SMIM23: variants seen among roughly 807,000 people sequenced by gnomAD.
The protein encoded by SMIM23 is small integral membrane protein 23.
Under a neutral mutation model 12.8 loss-of-function variants are expected in SMIM23, and 10 were observed. The observed-to-expected ratio is 0.78, with a 90% CI of 0.48 to 1.32. The LOEUF is 1.32. Among genes scored for constraint, SMIM23 ranks in the 40% most tolerant of loss-of-function variants. The pLI, the probability that SMIM23 is intolerant of heterozygous loss-of-function variation, is 0.00. For missense variants in SMIM23, 184 were observed against 198.2 expected (o/e 0.93, Z 0.43); for synonymous variants, 78 against 80.1 (o/e 0.97, Z 0.14).
At chr5:171,786,015 TG>T in intron 1 of SMIM23, 39 bp downstream of exon 1, 1 of 1,494,316 alleles carries the variant, frequency 6.7e-7, no homozygotes. Context: ...TCCTCCCATC[TG>T]GGCTCCTTTT....
chr5:171,773,425 G>C, the SMIM23 span, among the ~76,000 whole-genome samples: 1 of 39,436 alleles, frequency 2.5e-5, no homozygotes, highest in African/African-American at 2.4e-4. Context: ...TGAGCCCCCT[G>C]TCTAGGGCTG....
At chr5:171,787,418 G>A (rs1409060789) in intron 1 of SMIM23, among the ~76,000 whole-genome samples, 1 of 152,164 alleles carries the variant, frequency 6.6e-6, no homozygotes, top group Non-Finnish European at 1.5e-5. Flanking sequence ...ACAAGGAAAA[G>A]GACTCAAACT....
chr5:171,774,627 C>T, the SMIM23 span: 195 of 394,868 alleles, frequency 4.9e-4, no homozygotes, highest in Non-Finnish European at 7.6e-4. Context: ...CCCTCCAATT[C>T]CTTCACAGGC....
upstream of SMIM23, chr5:171,782,421 C>T (rs1469090613): frequency 5.3e-5 from 8 of 152,176 alleles, no homozygotes; most frequent in African/African-American, 1.9e-4. Flanking sequence ...AGGGTATGTG[C>T]CACTGGGTAA....
intron 1 of SMIM23, among the ~76,000 whole-genome samples, chr5:171,786,622 A>G (rs570572109): frequency 6.6e-6 from 1 of 152,308 alleles, no homozygotes; most frequent in Admixed American, 6.5e-5. Flanking sequence ...GACGGGTTTT[A>G]AGCAGAGCAA....
chr5:171,790,111 TAAACTC>T (rs1755894076), intron 1 of SMIM23, 113 bp from the exon 2 acceptor site: 1 of 993,878 alleles, frequency 1.0e-6, no homozygotes, highest in Non-Finnish European at 1.5e-6. Context: ...GAACAAAAGT[TAAACTC>T]AAAAAACTGT....
At chr5:171,773,986 T>C in the SMIM23 span, 1 of 383,008 alleles carries the variant, frequency 2.6e-6, no homozygotes, top group Non-Finnish European at 5.1e-6. Context: ...ACGCCATTTG[T>C]GCATTTCTTG....
At chr5:171,785,044 C>G (rs190225888), upstream of SMIM23, among the ~76,000 whole-genome samples, 1 of 152,166 alleles carries the variant, frequency 6.6e-6, no homozygotes, top group African/African-American at 2.4e-5. Flanking sequence ...TGGGTGGGGT[C>G]GGGAGGCAGC....
rs765363259 is a variant in SMIM23, at chr5:171,790,183, GA to G, written c.106-45del. 7 of 1,524,722 alleles carry G rather than the reference GA, an allele frequency of 4.6e-6. No homozygotes were observed. In the East Asian group the frequency reaches 1.7e-4, roughly 37 times the overall value. 94.4% of individuals were successfully genotyped at this position (1,524,722 alleles called of 1,614,324 possible). A position where few individuals can be genotyped will look rare whatever the true frequency, so the allele number is the denominator to read the frequency against. On this transcript the variant is annotated intron_variant, in intron 1 of 3. Coordinates refer to ENST00000523047, the MANE Select transcript of SMIM23 (RefSeq NM_001289970.2). ...TGATGGAAGCAGGGGGACCTGGAGA[GA>G]ATTCATCCTCATGTTCTTCCTCCTC... is the stretch of plus-strand genomic sequence containing the variant.
chr5:171,781,388 G>A (rs1413534909), upstream of SMIM23, among the ~76,000 whole-genome samples: 1 of 152,142 alleles, frequency 6.6e-6, no homozygotes, highest in Admixed American at 6.5e-5. Context: ...ATAAGATTAG[G>A]GTGGGGCAGC....
At position 171,790,101 on chromosome 5, in the gene SMIM23, G is replaced by A; in HGVS notation, c.106-129G>A. Reference sequence around the variant, plus strand: ...TAAGTAAGTGTGACTTAGATAACTAGAACAAAAGTTAAACTCAAAAAACTG... The same window carrying A: ...TAAGTAAGTGTGACTTAGATAACTAAAACAAAAGTTAAACTCAAAAAACTG... On this transcript the variant is annotated intron_variant, in intron 1 of 3. Coordinates refer to ENST00000523047, the MANE Select transcript of SMIM23 (RefSeq NM_001289970.2). The A allele has an allele frequency of 1.0e-5, 9 of 868,366 alleles. No homozygotes were observed. In the South Asian group the frequency reaches 1.4e-4, roughly 14 times the overall value. 53.8% of individuals were successfully genotyped at this position (868,366 alleles called of 1,614,324 possible).
chr5:171,773,959 G>A, the SMIM23 span: 2 of 403,950 alleles, frequency 5.0e-6, no homozygotes, highest in Non-Finnish European at 9.7e-6. Context: ...GCCTTGAATG[G>A]TGAGTAGAAT....
chr5:171,790,583 A>G, intron 3 of SMIM23, 34 bp downstream of exon 3: 1 of 1,529,238 alleles, frequency 6.5e-7, no homozygotes, highest in Non-Finnish European at 8.8e-7. Context: ...AGGTGAGGCA[A>G]TCTGGGAAGG....
upstream of SMIM23, among the ~76,000 whole-genome samples, chr5:171,784,747 T>C: frequency 6.6e-6 from 1 of 152,172 alleles, no homozygotes; most frequent in Non-Finnish European, 1.5e-5. Flanking sequence ...CATATCACCT[T>C]TACTCGCAAG....
At chr5:171,775,250 A>G in the SMIM23 span, among the ~76,000 whole-genome samples, 2 of 152,150 alleles carry the variant, frequency 1.3e-5, no homozygotes, top group Non-Finnish European at 2.9e-5. Context: ...TCAAATGTAC[A>G]CAATTGGAGA....
At chr5:171,778,282 G>A (rs547877429), upstream of SMIM23, among the ~76,000 whole-genome samples, 17 of 151,514 alleles carry the variant, frequency 1.1e-4, no homozygotes, top group East Asian at 2.9e-3. Flanking sequence ...GCTTGAACCC[G>A]GGAGGCAGAG....
the SMIM23 span, among the ~76,000 whole-genome samples, chr5:171,777,419 T>C: frequency 1.7e-4 from 26 of 152,370 alleles, no homozygotes; most frequent in Middle Eastern, 3.4e-3. Context: ...TCGCAGTTCT[T>C]TAGCCCTCTG....
At chr5:171,775,474 A>G in the SMIM23 span, among the ~76,000 whole-genome samples, 16 of 152,138 alleles carry the variant, frequency 1.1e-4, no homozygotes, top group African/African-American at 3.6e-4. Flanking sequence ...ATGAAAACAC[A>G]GTGGTCCTCC....
chr5:171,782,616 T>C (rs879174338), upstream of SMIM23: 1 of 152,200 alleles, frequency 6.6e-6, no homozygotes, highest in Non-Finnish European at 1.5e-5. Context: ...CTTCAAAACG[T>C]AAAAATCATA....
Sources: allele counts gnomAD v4.1 joint callset (sites outside exome capture counted in the v4.1 genomes callset), GRCh38; gene constraint gnomAD v4.1.1; transcripts MANE v1.5; gene names NCBI Gene and HGNC (gene_info 2026-07-23, HGNC 2026-07-21).